MKRN3: variants seen among roughly 807,000 people sequenced by gnomAD.
MKRN3 encodes makorin ring finger protein 3.
For missense variants in MKRN3, 749 were observed against 667.0 expected (o/e 1.12, Z -1.35); for synonymous variants, 301 against 250.2 (o/e 1.20, Z -1.91).
In MKRN3 at chr15:23,566,471, C is replaced by G. The variant is rs1462214097; in HGVS notation, c.689C>G (p.Thr230Ser). Residue 230 changes from threonine to serine, a missense_variant, in exon 1 of 1, where the codon ACT (threonine) becomes AGT (serine). Physicochemically the swap from Thr to Ser is moderately conservative, Grantham distance 58. Transcript: ENST00000314520. ...APEAPLQSSE[T>S]ERKQMAVGSG... The stretch of plus-strand genomic sequence containing the variant: ...GAGGCTCCTCTACAGAGCTCAGAGA[C>G]TGAGAGGAAGCAGATGGCTGTGGGC... The G allele has an allele frequency of 1.9e-6, 3 of 1,614,104 alleles. No individual in the cohort carries two copies. The highest frequency in any genetic ancestry group is 2.5e-6 in the Non-Finnish European group (3 of 1,180,002).
In MKRN3 at chr15:23,567,426, T is replaced by A; in HGVS notation, c.*120T>A. On this transcript the variant is annotated 3_prime_UTR_variant, in exon 1 of 1. Transcript: ENST00000314520. ...TGTTGAGGCAGTGCTTCTGTTTTCT[T>A]GTCTATTCTGCATATCTTTCCCCCT... The A allele has an allele frequency of 6.6e-7, 1 of 1,504,736 alleles. No individual in the cohort carries two copies. Among genetic ancestry groups the A allele is most frequent in the East Asian group, 2.3e-5 (1 of 43,598 alleles). The allele number at this position is 1,504,736 out of a possible 1,614,324, so 93.2% of individuals were successfully genotyped here. A position where few individuals can be genotyped will look rare whatever the true frequency, so the allele number is the denominator to read the frequency against.
In MKRN3 at chr15:23,566,293, A is replaced by T; in HGVS notation, c.511A>T (p.Ile171Phe). ...PAASSLSLPV[I>F]GSAAERGFFE... is the part of the protein sequence containing the mutation. ...TGCATCCTCCCTTTCCTTGCCTGTG[A>T]TTGGCTCGGCTGCTGAAAGGGGTTT... Residue 171 changes from isoleucine to phenylalanine, a missense_variant, in exon 1 of 1, where the codon ATT becomes TTT. By Grantham distance (21) the Ile-to-Phe change is conservative (BLOSUM62 0). Coordinates refer to ENST00000314520, the MANE Select transcript of MKRN3 (RefSeq NM_005664.4). 6.2e-7 allele frequency: 1 copy of T among 1,613,970 alleles called. No individual in the cohort carries two copies.
rs1396292108 is a variant in MKRN3 at position 23,565,983 on chromosome 15, C to A, written c.201C>A (p.Leu67=). ...PFPVAPVPAH[L]RRGGLRPAPA... is the part of the protein sequence containing the mutation. ...CTGTAGCTCCAGTCCCTGCCCACCT[C>A]CGCAGAGGAGGCCTGAGGCCTGCCC... Residue 67 remains leucine, a synonymous_variant, in exon 1 of 1, where the codon CTC becomes CTA. Coordinates refer to ENST00000314520, the MANE Select transcript of MKRN3 (RefSeq NM_005664.4). The A allele has an allele frequency of 6.2e-7, 1 of 1,613,706 alleles. No homozygotes were observed. Among genetic ancestry groups the A allele is most frequent in the Non-Finnish European group, 8.5e-7 (1 of 1,179,936 alleles).
In MKRN3 at chr15:23,565,681, C is replaced by A. The variant is rs1007021015; in HGVS notation, c.-102C>A. The A allele has an allele frequency of 8.3e-7, 1 of 1,207,996 alleles. No individual in the cohort carries two copies. The allele number at this position is 1,207,996 out of a possible 1,614,324, so 74.8% of individuals were successfully genotyped here. A position where few individuals can be genotyped will look rare whatever the true frequency, so the allele number is the denominator to read the frequency against. ...GGAAGGAAAAAGAGATGCACACTTC[C>A]CCCAGAGAAGCCTCCGAGCGCGGCC... On this transcript the variant is annotated 5_prime_UTR_variant, in exon 1 of 1. Coordinates refer to ENST00000314520, the MANE Select transcript of MKRN3 (RefSeq NM_005664.4).
In MKRN3 at chr15:23,565,909, G is replaced by C. The variant is rs1368225531; in HGVS notation, c.127G>C (p.Ala43Pro). The change falls in exon 1 of 1, where the codon GCT becomes CCT. Residue 43 changes from alanine to proline, a missense_variant. Physicochemically the swap from Ala to Pro is conservative, Grantham distance 27. Transcript: ENST00000314520. ...PVCEPSGESA[A>P]PDSALPHAAR... ...CTGTGAGCCCTCCGGGGAATCTGCT[G>C]CTCCAGATTCAGCCCTGCCACATGC... 1 of 1,613,850 alleles carries C rather than the reference G, an allele frequency of 6.2e-7. No homozygotes were observed. Among genetic ancestry groups the C allele is most frequent in the African/African-American group, 1.3e-5 (1 of 75,036 alleles).
rs199638466 is a variant in MKRN3 at position 23,566,994 on chromosome 15, G to A, written c.1212G>A (p.Ala404=). 1.0e-4 allele frequency: 164 copies of A among 1,614,216 alleles called. No homozygotes were observed. The highest frequency in any genetic ancestry group is 1.6e-4 in the Middle Eastern group (1 of 6,062). ...GCAACAAGGCCTGCAGGTATTTTGC[G>A]GAAGGCAGGGGTAACTGCCCATTTG... ...AMSNKACRYF[A]EGRGNCPFGD... Residue 404 remains alanine (A), a synonymous_variant, in exon 1 of 1, where the codon GCG becomes GCA. Transcript: ENST00000314520.
chr15:23,567,727 A>G lies in MKRN3; in HGVS notation c.*421A>G. ...CCCTTGCAGGGCTTTGCAGCTGCTCATCTGTTTGTTTACAGTTTGTTCTTT... is the reference window on the plus strand; with the variant it reads ...CCCTTGCAGGGCTTTGCAGCTGCTCGTCTGTTTGTTTACAGTTTGTTCTTT... On this transcript the variant is annotated 3_prime_UTR_variant, in exon 1 of 1. Transcript: ENST00000314520. The G allele has an allele frequency of 3.0e-6, 3 of 1,011,032 alleles. No individual in the cohort carries two copies. Among genetic ancestry groups the G allele is most frequent in the Non-Finnish European group, 3.6e-6 (3 of 836,722 alleles). 62.6% of individuals were successfully genotyped at this position (1,011,032 alleles called of 1,614,324 possible). A position where few individuals can be genotyped will look rare whatever the true frequency, so the allele number is the denominator to read the frequency against.
rs774566526 is a variant in MKRN3 at position 23,565,697 on chromosome 15, G to C, written c.-86G>C. The C allele has an allele frequency of 8.1e-6, 11 of 1,358,804 alleles. No individual in the cohort carries two copies. Among genetic ancestry groups the C allele is most frequent in the Non-Finnish European group, 9.8e-6 (10 of 1,023,220 alleles). 84.2% of individuals were successfully genotyped at this position (1,358,804 alleles called of 1,614,324 possible). A position where few individuals can be genotyped will look rare whatever the true frequency, so the allele number is the denominator to read the frequency against. On this transcript the variant is annotated 5_prime_UTR_variant, in exon 1 of 1. Coordinates refer to ENST00000314520, the MANE Select transcript of MKRN3 (RefSeq NM_005664.4). ...GCACACTTCCCCCAGAGAAGCCTCC[G>C]AGCGCGGCCGCCATTCCGGGCCTCA...
Position 23,565,735 on chromosome 15 carries a change from A to G in MKRN3, c.-48A>G. 6.7e-7 allele frequency: 1 copy of G among 1,483,148 alleles called. No homozygotes were observed. 91.9% of individuals were successfully genotyped at this position (1,483,148 alleles called of 1,614,324 possible). ...ATTCCGGGCCTCAAGCCCATAAAGA[A>G]AAAATACCGGAGAGGTTCTGGCACC... is the stretch of plus-strand genomic sequence containing the variant. On this transcript the variant is annotated 5_prime_UTR_variant, in exon 1 of 1. Coordinates refer to ENST00000314520, the MANE Select transcript of MKRN3 (RefSeq NM_005664.4).
rs770695847 is a variant in MKRN3 at position 23,566,115 on chromosome 15, G to C, written c.333G>C (p.Glu111Asp). Residue 111 changes from glutamate (E) to aspartate (D), a missense_variant, in exon 1 of 1, where the codon GAG becomes GAC. Transcript: ENST00000314520. ...CRYYIHGQCKEGENCRYSHDL... is the reference protein window; with the variant it reads ...CRYYIHGQCKDGENCRYSHDL... Reference sequence around the variant, plus strand: ...ATTATATACATGGGCAGTGCAAGGAGGGGGAGAACTGTCGCTATTCGCACG... The same window carrying C: ...ATTATATACATGGGCAGTGCAAGGACGGGGAGAACTGTCGCTATTCGCACG... The C allele has an allele frequency of 3.7e-6, 6 of 1,614,192 alleles. No homozygotes were observed. Among genetic ancestry groups the C allele is most frequent in the Admixed American group, 1.7e-5 (1 of 60,036 alleles).
At position 23,567,300 on chromosome 15, in the gene MKRN3, T is replaced by G. The variant is rs1245833537; in HGVS notation, c.1518T>G (p.Ile506Met). 6.2e-7 allele frequency: 1 copy of G among 1,613,968 alleles called. No homozygotes were observed. The highest frequency in any genetic ancestry group is 8.5e-7 in the Non-Finnish European group (1 of 1,179,892). ...AGCTGGAAGAATATTTCAATTTGAT[T>G]CTGTAGCATCGTGCTGTGGCATGTG... ...HYELEEYFNL[I>M]L Residue 506 changes from isoleucine (I) to methionine (M), a missense_variant, in exon 1 of 1, where the codon ATT becomes ATG. By Grantham distance (10) the Ile-to-Met change is conservative. Coordinates refer to ENST00000314520, the MANE Select transcript of MKRN3 (RefSeq NM_005664.4).
chr15:23,567,845 T>G lies in MKRN3; in HGVS notation c.*539T>G, dbSNP rs1395339486. Reference sequence around the variant, plus strand: ...AAAACCAAGTGTATATGTTTACATGTTTTTATCCTGTTTAGCTTGACATGA... The same window carrying G: ...AAAACCAAGTGTATATGTTTACATGGTTTTATCCTGTTTAGCTTGACATGA... On this transcript the variant is annotated 3_prime_UTR_variant, in exon 1 of 1. Transcript: ENST00000314520. 2.0e-6 allele frequency: 2 copies of G among 987,040 alleles called. No homozygotes were observed. The highest frequency in any genetic ancestry group is 1.2e-4 in the Admixed American group (2 of 16,220). 61.1% of individuals were successfully genotyped at this position (987,040 alleles called of 1,614,324 possible).
chr15:23,567,306 G>A lies in MKRN3; in HGVS notation c.1524G>A (p.Ter508=), dbSNP rs766317729. The part of the protein sequence containing the change: ...ELEEYFNLIL[*] ...AAGAATATTTCAATTTGATTCTGTAGCATCGTGCTGTGGCATGTGGTCTAG... is the reference window on the plus strand; with the variant it reads ...AAGAATATTTCAATTTGATTCTGTAACATCGTGCTGTGGCATGTGGTCTAG... Residue 508 remains the stop codon, a stop_retained_variant, in exon 1 of 1, where the codon TAG becomes TAA. Coordinates refer to ENST00000314520, the MANE Select transcript of MKRN3 (RefSeq NM_005664.4). 1 of 1,613,730 alleles carries A rather than the reference G, an allele frequency of 6.2e-7. No homozygotes were observed. Among genetic ancestry groups the A allele is most frequent in the African/African-American group, 1.3e-5 (1 of 75,050 alleles).
Position 23,565,816 on chromosome 15 carries a change from G to A in MKRN3, c.34G>A (p.Glu12Lys), listed in dbSNP as rs781625572. 2 of 1,609,114 alleles carry A rather than the reference G, an allele frequency of 1.2e-6. No homozygotes were observed. The highest frequency in any genetic ancestry group is 2.2e-5 in the South Asian group (2 of 90,678). The stretch of plus-strand genomic sequence containing the variant: ...GCCTGCAGCTCCCTCAGAAGCCCAC[G>A]AGGCAGCCGGGGCCCAGGCAGGTGC... The part of the protein sequence containing the change: ...EEPAAPSEAH[E>K]AAGAQAGAEA... The change falls in exon 1 of 1, where the codon GAG becomes AAG. Residue 12 changes from glutamate to lysine, a missense_variant. Physicochemically the swap from Glu to Lys is moderately conservative, Grantham distance 56. Coordinates refer to ENST00000314520, the MANE Select transcript of MKRN3 (RefSeq NM_005664.4).
rs770448149 is a variant in MKRN3 at position 23,566,835 on chromosome 15, A to G, written c.1053A>G (p.Arg351=). The G allele has an allele frequency of 5.0e-6, 8 of 1,614,228 alleles. No individual in the cohort carries two copies. The Admixed American group carries it at 8.3e-5, about 17-fold the overall frequency. ...IRCIRRWRSA[R]QFENRIVKSC... ...GTATCCGCAGGTGGAGAAGTGCCAG[A>G]CAGTTTGAGAACAGGATCGTCAAGT... The change falls in exon 1 of 1, where the codon AGA becomes AGG. Residue 351 remains arginine (R), a synonymous_variant. Transcript: ENST00000314520.
Position 23,565,922 on chromosome 15 carries a change from C to G in MKRN3, c.140C>G (p.Ala47Gly). 1 of 1,613,908 alleles carries G rather than the reference C, an allele frequency of 6.2e-7. No individual in the cohort carries two copies. The highest frequency in any genetic ancestry group is 8.5e-7 in the Non-Finnish European group (1 of 1,179,974). ...GGGGAATCTGCTGCTCCAGATTCAGCCCTGCCACATGCGGCAAGGGGCTGG... is the reference window on the plus strand; with the variant it reads ...GGGGAATCTGCTGCTCCAGATTCAGGCCTGCCACATGCGGCAAGGGGCTGG... The part of the protein sequence containing the change: ...PSGESAAPDS[A>G]LPHAARGWAP... Residue 47 changes from alanine (A) to glycine (G), a missense_variant, in exon 1 of 1, where the codon GCC (alanine) becomes GGC (glycine). Physicochemically the swap from Ala to Gly is moderately conservative, Grantham distance 60. Coordinates refer to ENST00000314520, the MANE Select transcript of MKRN3 (RefSeq NM_005664.4).
chr15:23,567,872 A>G lies in MKRN3; in HGVS notation c.*566A>G, dbSNP rs1164383482. The G allele has an allele frequency of 5.3e-6, 5 of 936,330 alleles. No individual in the cohort carries two copies. Among genetic ancestry groups the G allele is most frequent in the African/African-American group, 1.8e-5 (1 of 55,734 alleles). The allele number at this position is 936,330 out of a possible 1,614,324, so 58.0% of individuals were successfully genotyped here. A position where few individuals can be genotyped will look rare whatever the true frequency, so the allele number is the denominator to read the frequency against. On this transcript the variant is annotated 3_prime_UTR_variant, in exon 1 of 1. Coordinates refer to ENST00000314520, the MANE Select transcript of MKRN3 (RefSeq NM_005664.4). ...TTTATCCTGTTTAGCTTGACATGAAATAATTTATATTTGGAAATATATATT... is the reference window on the plus strand; with the variant it reads ...TTTATCCTGTTTAGCTTGACATGAAGTAATTTATATTTGGAAATATATATT...
At position 23,566,591 on chromosome 15, in the gene MKRN3, G is replaced by T; in HGVS notation, c.809G>T (p.Gly270Val). Residue 270 changes from glycine to valine, a missense_variant, in exon 1 of 1, where the codon GGG becomes GTG. Transcript: ENST00000314520. ...CATGGAGACATATGCGACATGTGTG[G>T]GCTGCAGACCTTGCACCCCATGGAT... is the stretch of plus-strand genomic sequence containing the variant. Reference protein sequence around the residue: ...YLHGDICDMCGLQTLHPMDAA... With the variant: ...YLHGDICDMCVLQTLHPMDAA... 1 of 1,614,172 alleles carries T rather than the reference G, an allele frequency of 6.2e-7. No individual in the cohort carries two copies. Among genetic ancestry groups the T allele is most frequent in the Non-Finnish European group, 8.5e-7 (1 of 1,180,036 alleles).
In MKRN3 at chr15:23,565,733, G is replaced by A; in HGVS notation, c.-50G>A. On this transcript the variant is annotated 5_prime_UTR_variant, in exon 1 of 1. Coordinates refer to ENST00000314520, the MANE Select transcript of MKRN3 (RefSeq NM_005664.4). ...CCATTCCGGGCCTCAAGCCCATAAA[G>A]AAAAAATACCGGAGAGGTTCTGGCA... The A allele has an allele frequency of 6.8e-7, 1 of 1,480,176 alleles. No individual in the cohort carries two copies. The highest frequency in any genetic ancestry group is 9.0e-7 in the Non-Finnish European group (1 of 1,112,292). The allele number at this position is 1,480,176 out of a possible 1,614,324, so 91.7% of individuals were successfully genotyped here. A position where few individuals can be genotyped will look rare whatever the true frequency, so the allele number is the denominator to read the frequency against.
Sources: gnomAD v4.1 joint callset for allele counts on GRCh38, gnomAD v4.1.1 for gene constraint, MANE v1.5 for transcripts, NCBI Gene and HGNC (gene_info 2026-07-23, HGNC 2026-07-21) for gene names.